Variants in MSH3 observed in about 807,000 individuals in gnomAD.
The protein encoded by MSH3 is mutS homolog 3.
Under a neutral mutation model 123.3 loss-of-function variants are expected in MSH3, and 106 were observed. The observed-to-expected ratio is 0.86, with a 90% CI of 0.73 to 1.01. The LOEUF is 1.01. Among genes scored for constraint, MSH3 ranks in the 50% least tolerant of loss-of-function variants. MSH3 has a pLI of 0.00. For synonymous variants in MSH3, 515 were observed against 481.4 expected, an observed-to-expected ratio of 1.07 and a Z score of -0.91; for missense variants, 1,459 against 1,347.6, an observed-to-expected ratio of 1.08 and a Z score of -1.29.
At chr5:80,729,272 G>A (rs927359550) in intron 10 of MSH3, among the ~76,000 whole-genome samples, 9 of 151,570 alleles carry the variant, frequency 5.9e-5, no homozygotes, top group South Asian at 4.2e-4. Context: ...AAAATTAGCC[G>A]GGCGTGGTGG....
At chr5:80,673,549 C>T (rs1749768637) in intron 6 of MSH3, among the ~76,000 whole-genome samples, 1 of 152,030 alleles carries the variant, frequency 6.6e-6, no homozygotes, top group Non-Finnish European at 1.5e-5. Flanking sequence ...AACAAACAAA[C>T]AAACCAAAAA....
At chr5:80,732,249 A>G (rs1183482451) in intron 10 of MSH3, among the ~76,000 whole-genome samples, 4 of 152,210 alleles carry the variant, frequency 2.6e-5, no homozygotes, top group Non-Finnish European at 2.9e-5. Flanking sequence ...GTTGTTAGAA[A>G]TGAATGCTTT....
chr5:80,842,635 G>A (rs1745647981), intron 20 of MSH3, among the ~76,000 whole-genome samples: 1 of 152,168 alleles, frequency 6.6e-6, no homozygotes, highest in African/African-American at 2.4e-5. Flanking sequence ...TCCCTTGTAA[G>A]TTGTATTCCT....
rs758595508 is a variant in MSH3 at position 80,654,877 on chromosome 5, CGCTGCAGCGGCTGCAGCG to C, written c.153_170del (p.Ala57_Ala62del). The stretch of plus-strand genomic sequence containing the variant: ...GTGCAGCCGACCAGGTGGACCCTGG[CGCTGCAGCGGCTGCAGCG>C]GCCGCAGCGGCCGCAGCGCCCCCAG... On this transcript the variant is annotated inframe_deletion, in exon 1 of 24. Transcript: ENST00000265081. The C allele has an allele frequency of 1.1e-5, 17 of 1,500,076 alleles. 1 individual carries two copies. The highest frequency in any genetic ancestry group is 1.5e-5 in the African/African-American group (1 of 64,874). The allele number at this position is 1,500,076 out of a possible 1,614,324, so 92.9% of individuals were successfully genotyped here.
At chr5:80,843,190 A>C (rs916384714) in intron 20 of MSH3, among the ~76,000 whole-genome samples, 8 of 151,848 alleles carry the variant, frequency 5.3e-5, no homozygotes, top group African/African-American at 1.9e-4. Flanking sequence ...GGTTCTGTTT[A>C]TGTTTCGGAT....
chr5:80,739,458 A>C (rs1743572264), intron 10 of MSH3, among the ~76,000 whole-genome samples: 2 of 152,242 alleles, frequency 1.3e-5, no homozygotes, highest in South Asian at 2.1e-4. Flanking sequence ...TTCCCTAGGA[A>C]GATGGCAGAT....
At position 80,675,133 on chromosome 5, in the gene MSH3, G is replaced by A. The variant is rs761726585; in HGVS notation, c.1173+5G>A. ...AACATTTTTATTGGCATTGTGGTAA[G>A]TACTTTGCAGGTGAGGAACAAATGT... is the stretch of plus-strand genomic sequence containing the variant. On this transcript the variant is annotated splice_donor_5th_base_variant and intron_variant, in intron 7 of 23. Coordinates refer to ENST00000265081, the MANE Select transcript of MSH3 (RefSeq NM_002439.5). 1 of 1,613,692 alleles carries A rather than the reference G, an allele frequency of 6.2e-7. No homozygotes were observed. Among genetic ancestry groups the A allele is most frequent in the Non-Finnish European group, 8.5e-7 (1 of 1,179,786 alleles).
chr5:80,741,746 G>A (rs770389340), intron 11 of MSH3, among the ~76,000 whole-genome samples, 198 bp downstream of exon 11: 51 of 152,140 alleles, frequency 3.4e-4, no homozygotes, highest in Non-Finnish European at 6.0e-4. Context: ...GAATGATGGA[G>A]CTGCCCTTTT....
chr5:80,699,601 A>G (rs917268743), intron 8 of MSH3, among the ~76,000 whole-genome samples: 1 of 151,324 alleles, frequency 6.6e-6, no homozygotes, highest in African/African-American at 2.4e-5. Context: ...AGTAGCTGGA[A>G]ATCTATACAT....
intron 11 of MSH3, 56 bp from the exon 12 acceptor site, chr5:80,744,450 C>A: frequency 1.6e-6 from 2 of 1,268,078 alleles, no homozygotes; most frequent in Non-Finnish European, 2.3e-6. Flanking sequence ...TATGAAATAA[C>A]AATTTGGCAC....
intron 4 of MSH3, 36 bp downstream of exon 4, chr5:80,670,345 C>T (rs777762863): frequency 6.3e-7 from 1 of 1,579,832 alleles, no homozygotes; most frequent in Admixed American, 1.7e-5. Flanking sequence ...TTATATTTTT[C>T]TTGTCTAGCC....
intron 10 of MSH3, among the ~76,000 whole-genome samples, chr5:80,730,110 C>T (rs1032727323): frequency 3.3e-5 from 5 of 152,154 alleles, no homozygotes; most frequent in Admixed American, 6.5e-5. Flanking sequence ...CAACTTTATC[C>T]TATTTAAAAG....
At chr5:80,862,830 G>C (rs1168078921) in intron 21 of MSH3, among the ~76,000 whole-genome samples, 1 of 152,066 alleles carries the variant, frequency 6.6e-6, no homozygotes, top group Non-Finnish European at 1.5e-5. Flanking sequence ...GAGGTGAGTG[G>C]GGAAAAGTGA....
intron 8 of MSH3, among the ~76,000 whole-genome samples, chr5:80,681,997 T>G (rs1749979174): frequency 6.6e-6 from 1 of 152,248 alleles, no homozygotes; most frequent in East Asian, 1.9e-4. Context: ...ATTTTCTCTA[T>G]GTTTACTGAC....
chr5:80,660,043 G>T (rs185916511), intron 2 of MSH3, among the ~76,000 whole-genome samples: 1 of 152,024 alleles, frequency 6.6e-6, no homozygotes, highest in Admixed American at 6.6e-5. Flanking sequence ...AAAACCAAGG[G>T]AATAATAATA....
chr5:80,865,008 G>A, intron 22 of MSH3, 66 bp downstream of exon 22: 1 of 1,463,986 alleles, frequency 6.8e-7, no homozygotes. Flanking sequence ...AAGTTTGTTG[G>A]AACATGAACT....
chr5:80,830,030 G>A (rs1745391505), intron 20 of MSH3, among the ~76,000 whole-genome samples: 2 of 152,124 alleles, frequency 1.3e-5, no homozygotes, highest in South Asian at 4.2e-4. Context: ...ACACTTTACA[G>A]TATTCCTTTA....
intron 10 of MSH3, among the ~76,000 whole-genome samples, chr5:80,738,336 C>G (rs1414726733): frequency 6.6e-6 from 1 of 152,204 alleles, no homozygotes; most frequent in Non-Finnish European, 1.5e-5. Flanking sequence ...AAACTCTTCT[C>G]TAGCTCTATG....
intron 15 of MSH3, among the ~76,000 whole-genome samples, chr5:80,769,782 A>AT (rs898637191): frequency 6.6e-6 from 1 of 152,080 alleles, no homozygotes; most frequent in Non-Finnish European, 1.5e-5. Flanking sequence ...AAAAATAGAT[A>AT]TTTTTCCGGT....
Sources: gnomAD v4.1 joint callset for allele counts (sites outside exome capture counted in the v4.1 genomes callset) on GRCh38, gnomAD v4.1.1 for gene constraint, MANE v1.5 for transcripts, NCBI Gene and HGNC (gene_info 2026-07-23, HGNC 2026-07-21) for gene names.